The following POLA1 variants were observed in gnomAD, a reference collection of about 807,000 sequenced individuals.
The protein encoded by POLA1 is DNA polymerase alpha 1, catalytic subunit, also known as DNA polymerase alpha catalytic subunit.
In POLA1, 15 loss-of-function variants were observed where a neutral mutation model predicts 124.0. The ratio of observed to expected loss-of-function variants is 0.12; its 90% confidence interval spans 0.08 to 0.19. The LOEUF (loss-of-function observed/expected upper bound fraction) is 0.19, where lower values mean the gene tolerates loss of function less well. POLA1 is among the 10% of genes least tolerant of loss of function. POLA1 has a pLI of 1.00. For synonymous variants in POLA1, 408 were observed against 389.4 expected (o/e 1.05, Z -0.56); for missense variants, 886 against 1,103.4 (o/e 0.80, Z 2.79).
At chrX:24,860,089 G>A (rs910627557) in intron 34 of POLA1, among the ~76,000 whole-genome samples, 11 of 112,396 alleles carry the variant, frequency 9.8e-5, no homozygotes, top group African/African-American at 3.2e-4. Context: ...ACCATGACCA[G>A]GAAACTGGCT....
At chrX:24,813,534 C>G (rs1039539927) in intron 29 of POLA1, among the ~76,000 whole-genome samples, 7 of 112,434 alleles carry the variant, frequency 6.2e-5, no homozygotes, top group African/African-American at 2.3e-4. Flanking sequence ...AATTTTTAGG[C>G]CGGGTGCAGT....
chrX:24,865,153 A>G (rs1186801894), intron 34 of POLA1, among the ~76,000 whole-genome samples: 1 of 112,118 alleles, frequency 8.9e-6, no homozygotes, highest in Non-Finnish European at 1.9e-5. Flanking sequence ...AAGAGTGGCA[A>G]TTTGCTTCCT....
chrX:24,699,563 TTTC>T lies in POLA1; in HGVS notation c.168+20_168+22del, dbSNP rs1315481929. The T allele has an allele frequency of 1.8e-6, 2 of 1,133,400 alleles. No homozygotes were observed. Among genetic ancestry groups the T allele is most frequent in the Non-Finnish European group, 2.4e-6 (2 of 848,881 alleles). The allele number at this position is 1,133,400 out of a possible 1,213,427, so 93.4% of individuals were successfully genotyped here. On this transcript the variant is annotated intron_variant, in intron 2 of 36. Coordinates refer to ENST00000379068, the MANE Select transcript of POLA1 (RefSeq NM_001330360.2). ...TATAAATATGAAGTAAGTAACCATT[TTTC>T]TTCTTTATTCTTCCTGTGCATCATC...
chrX:24,976,498 T>A (rs1346998520), intron 36 of POLA1, among the ~76,000 whole-genome samples: 3 of 112,148 alleles, frequency 2.7e-5, no homozygotes, highest in African/African-American at 9.7e-5. Flanking sequence ...TCACAATAAA[T>A]TCCAGTCTTC....
At chrX:24,944,002 C>A (rs1269190588) in intron 36 of POLA1, among the ~76,000 whole-genome samples, 1 of 111,649 alleles carries the variant, frequency 9.0e-6, no homozygotes, top group Non-Finnish European at 1.9e-5. Flanking sequence ...GCTGGTAGAC[C>A]ACAGGGAATT....
At chrX:24,978,926 A>C (rs1444917053) in intron 36 of POLA1, among the ~76,000 whole-genome samples, 1 of 112,050 alleles carries the variant, frequency 8.9e-6, no homozygotes, top group Admixed American at 9.5e-5. Flanking sequence ...TTCAGACTGA[A>C]GGGAGAAAAA....
intron 26 of POLA1, among the ~76,000 whole-genome samples, chrX:24,770,354 G>A (rs1158451279): frequency 9.0e-6 from 1 of 111,448 alleles, no homozygotes; most frequent in Non-Finnish European, 1.9e-5. Context: ...AAAGAAAAAA[G>A]GAAAGGTAAA....
chrX:24,767,075 G>A (rs1252937035), intron 26 of POLA1, among the ~76,000 whole-genome samples: 2 of 111,464 alleles, frequency 1.8e-5, no homozygotes, highest in African/African-American at 3.3e-5. Context: ...GAGGAAAGAC[G>A]AATTCACGGG....
At chrX:24,933,420 A>G (rs746065486) in intron 36 of POLA1, among the ~76,000 whole-genome samples, 1 of 112,291 alleles carries the variant, frequency 8.9e-6, no homozygotes, top group Non-Finnish European at 1.9e-5. Context: ...GAGGGCAAAT[A>G]TATTTATTCA....
intron 35 of POLA1, among the ~76,000 whole-genome samples, chrX:24,907,350 G>A (rs1332206222): frequency 9.0e-6 from 1 of 111,048 alleles, no homozygotes; most frequent in Admixed American, 9.6e-5. Context: ...AAAATTATTT[G>A]AAGAAATAAT....
At chrX:24,974,937 C>T (rs1214025927) in intron 36 of POLA1, among the ~76,000 whole-genome samples, 2 of 112,281 alleles carry the variant, frequency 1.8e-5, no homozygotes, top group Admixed American at 1.9e-4. Flanking sequence ...TTTGTCAAGT[C>T]GAAGGACAGT....
intron 4 of POLA1, among the ~76,000 whole-genome samples, chrX:24,708,640 G>C (rs1602253915): frequency 2.3e-5 from 1 of 44,399 alleles, no homozygotes; most frequent in Non-Finnish European, 4.2e-5. Context: ...ATCTTGCACC[G>C]CCCTTAATCC....
intron 12 of POLA1, among the ~76,000 whole-genome samples, chrX:24,724,867 T>C (rs1930434955): frequency 1.8e-5 from 2 of 111,975 alleles, no homozygotes; most frequent in Non-Finnish European, 3.8e-5. Context: ...AGAATGAAAA[T>C]CTCTGGTTCA....
intron 34 of POLA1, among the ~76,000 whole-genome samples, chrX:24,881,700 C>T (rs188642357): frequency 3.6e-5 from 4 of 111,612 alleles, no homozygotes; most frequent in Admixed American, 1.9e-4. Context: ...GACAGTGCAC[C>T]GCAGTGTGTG....
chrX:24,916,980 T>TA (rs2047542770), intron 35 of POLA1, among the ~76,000 whole-genome samples: 1 of 112,432 alleles, frequency 8.9e-6, no homozygotes, highest in South Asian at 3.7e-4. Flanking sequence ...AGTTTCTAAT[T>TA]AAACAAGTTT....
At position 24,717,229 on chromosome X, in the gene POLA1, C is replaced by T. The variant is rs946981144; in HGVS notation, c.707-61C>T. ...TAAGCCTTTGTGCGCCTTTGTGTGC[C>T]TTTGTGTGCCTTTGTGTCATCGCAA... On this transcript the variant is annotated intron_variant, in intron 8 of 36. Coordinates refer to ENST00000379068, the MANE Select transcript of POLA1 (RefSeq NM_001330360.2). 3.0e-5 allele frequency: 30 copies of T among 1,005,620 alleles called. No individual in the cohort carries two copies. The African/African-American group carries it at 4.2e-4, about 14-fold the overall frequency. 82.9% of individuals were successfully genotyped at this position (1,005,620 alleles called of 1,213,427 possible). A position where few individuals can be genotyped will look rare whatever the true frequency, so the allele number is the denominator to read the frequency against.
At chrX:24,942,670 T>G (rs756402502) in intron 36 of POLA1, among the ~76,000 whole-genome samples, 1 of 111,823 alleles carries the variant, frequency 8.9e-6, no homozygotes, top group East Asian at 2.8e-4. Context: ...AAGCAAAGCT[T>G]TAAACTCAGG....
chrX:24,714,022 G>A (rs1019624618), intron 4 of POLA1, among the ~76,000 whole-genome samples: 7 of 112,432 alleles, frequency 6.2e-5, no homozygotes, highest in African/African-American at 2.3e-4. Flanking sequence ...AACAATAGCA[G>A]TTAAGCAGTC....
At chrX:24,916,525 C>T (rs2047536176) in intron 35 of POLA1, among the ~76,000 whole-genome samples, 1 of 110,685 alleles carries the variant, frequency 9.0e-6, no homozygotes, top group Admixed American at 9.6e-5. Flanking sequence ...GTGATCCACC[C>T]TCCTCAGCCT....
Sources: gnomAD v4.1 joint callset for allele counts (sites outside exome capture counted in the v4.1 genomes callset) on GRCh38, gnomAD v4.1.1 for gene constraint, MANE v1.5 for transcripts, NCBI Gene and HGNC (gene_info 2026-07-23, HGNC 2026-07-21) for gene names.